The following ATM variants were observed in gnomAD, a reference collection of about 807,000 sequenced individuals.
ATM encodes the protein serine-protein kinase ATM.
Under a neutral mutation model 387.0 loss-of-function variants are expected in ATM, and 308 were observed. The observed-to-expected ratio is 0.80, with a 90% CI of 0.73 to 0.87. The LOEUF (loss-of-function observed/expected upper bound fraction) is 0.87. ATM is among the 40% of genes least tolerant of loss of function. The pLI, the probability that ATM is intolerant of heterozygous loss-of-function variation, is 0.00. For synonymous variants in ATM, 1,156 were observed against 1,187.3 expected (o/e 0.97, Z 0.54); for missense variants, 3,312 against 3,560.9 (o/e 0.93, Z 1.78).
At chr11:108,287,575 A>G in intron 26 of ATM, 25 bp from the exon 27 acceptor site, 1 of 1,426,946 alleles carries the variant, frequency 7.0e-7, no homozygotes. Context: ...AATATTAAAT[A>G]TATTTTAATT....
Position 108,343,221 on chromosome 11 carries a change from G to C in ATM, c.8269-1G>C, listed in dbSNP as rs1565557607. The C allele has an allele frequency of 6.2e-7, 1 of 1,613,888 alleles. No individual in the cohort carries two copies. Among genetic ancestry groups the C allele is most frequent in the African/African-American group, 1.3e-5 (1 of 74,998 alleles). On this transcript the variant is annotated splice_acceptor_variant, in intron 56 of 62. Coordinates refer to ENST00000675843, the MANE Select transcript of ATM (RefSeq NM_000051.4). LOFTEE classifies it high-confidence loss of function. ...AAAAGGTATTTAATCTGTAACTCCA[G>C]GTGGTTCCCCTCTCTCAGCGAAGTG... is the stretch of plus-strand genomic sequence containing the variant.
At position 108,329,122 on chromosome 11, in the gene ATM, A is replaced by G. The variant is rs768906734; in HGVS notation, c.7191A>G (p.Gln2397=). ...CATTAGCCCGGTTTTCAGATACTCA[A>G]TACCAAAGAATTGAAAACTACATGA... The part of the protein sequence containing the change: ...FLSLARFSDT[Q]YQRIENYMKS... The change falls in exon 49 of 63, where the codon CAA becomes CAG. Residue 2397 remains glutamine (Q), a synonymous_variant. Coordinates refer to ENST00000675843, the MANE Select transcript of ATM (RefSeq NM_000051.4). 11 of 1,614,032 alleles carry G rather than the reference A, an allele frequency of 6.8e-6. No homozygotes were observed. In the Admixed American group the frequency reaches 1.0e-4, roughly 15 times the overall value.
chr11:108,350,852 G>A (rs969233155), intron 59 of ATM, among the ~76,000 whole-genome samples: 4 of 151,818 alleles, frequency 2.6e-5, no homozygotes, highest in Admixed American at 2.0e-4. Context: ...GGGTAAATTG[G>A]TACAACCCCT....
chr11:108,325,245 CAT>C, intron 45 of ATM, 63 bp from the exon 46 acceptor site: 1 of 1,013,336 alleles, frequency 9.9e-7, no homozygotes, highest in Non-Finnish European at 1.4e-6. Flanking sequence ...CCAGAACTTA[CAT>C]AGTTTTTTTT....
Position 108,281,082 on chromosome 11 carries a change from T to A in ATM, c.3490T>A (p.Cys1164Ser). The A allele has an allele frequency of 6.2e-7, 1 of 1,614,036 alleles. No homozygotes were observed. Among genetic ancestry groups the A allele is most frequent in the Non-Finnish European group, 8.5e-7 (1 of 1,179,936 alleles). The change falls in exon 24 of 63, where the codon TGT becomes AGT. Residue 1164 changes from cysteine to serine, a missense_variant. Cys to Ser is a moderately radical substitution (Grantham distance 112). Around this residue, in one of 4 missense-constraint regions of ATM, gnomAD observed 1,791 missense variants for 1,804.5 expected, o/e 0.99. Transcript: ENST00000675843. ...GACGTTGATAGCTGTGGTTTTATCC[T>A]GTAGCCCTATCTGCGAAAAACAGGC... is the stretch of plus-strand genomic sequence containing the variant. ...LLTLIAVVLS[C>S]SPICEKQALF...
At chr11:108,321,774 G>A (rs1483122076) in intron 45 of ATM, among the ~76,000 whole-genome samples, 2 of 150,770 alleles carry the variant, frequency 1.3e-5, no homozygotes, top group African/African-American at 2.4e-5. Context: ...GCAACAGAGC[G>A]AGACTCTGTC....
intron 16 of ATM, among the ~76,000 whole-genome samples, chr11:108,261,401 A>G (rs572023944): frequency 1.3e-5 from 2 of 152,328 alleles, no homozygotes; most frequent in South Asian, 4.1e-4. Context: ...AGGGTACTCC[A>G]ACAGGCCTGC....
Position 108,299,741 on chromosome 11 carries a change from T to A in ATM, c.5033T>A (p.Val1678Glu), listed in dbSNP as rs878853516. 1.2e-6 allele frequency: 2 copies of A among 1,613,908 alleles called. No homozygotes were observed. The highest frequency in any genetic ancestry group is 8.5e-7 in the Non-Finnish European group (1 of 1,179,900). ...GCTGTTGGAAGCTGCTTGGGAGAAGTGGGTCCTATAGATTTCTCTACCATA... is the reference window on the plus strand; with the variant it reads ...GCTGTTGGAAGCTGCTTGGGAGAAGAGGGTCCTATAGATTTCTCTACCATA... ...LEAVGSCLGEVGPIDFSTIAI... is the reference protein window; with the variant it reads ...LEAVGSCLGEEGPIDFSTIAI... Residue 1678 changes from valine to glutamate, a missense_variant, in exon 34 of 63, where the codon GTG becomes GAG. Val to Glu is a moderately radical substitution (Grantham distance 121). Transcript: ENST00000675843.
chr11:108,231,935 C>G (rs915964645), intron 4 of ATM, among the ~76,000 whole-genome samples: 3 of 152,152 alleles, frequency 2.0e-5, no homozygotes, highest in Non-Finnish European at 2.9e-5. Context: ...ATTCTGCACT[C>G]ACTTTTGCTC....
At chr11:108,237,929 CTTTG>C (rs370337831) in intron 5 of ATM, among the ~76,000 whole-genome samples, 2,378 of 53,124 alleles carry the variant, frequency 0.045, 58 homozygotes, top group African/African-American at 0.14. Flanking sequence ...TTTTTTGCTT[CTTTG>C]TTTGTTTTTT....
intron 27 of ATM, among the ~76,000 whole-genome samples, chr11:108,288,540 G>T (rs550510066): frequency 2.7e-4 from 40 of 149,378 alleles, no homozygotes; most frequent in African/African-American, 9.1e-4. Context: ...ACTGTGCTGG[G>T]CATATAAAAT....
rs1565527146 is a variant in ATM at position 108,329,184 on chromosome 11, A to C, written c.7253A>C (p.Lys2418Thr). The stretch of plus-strand genomic sequence containing the variant: ...TTTGAAAACAAGCAAGCTCTCCTGA[A>C]AAGAGCCAAAGAGGAAGTAGGTCTC... ...SEFENKQALLKRAKEEVGLLR... is the reference protein window; with the variant it reads ...SEFENKQALLTRAKEEVGLLR... The change falls in exon 49 of 63, where the codon AAA becomes ACA. Residue 2418 changes from lysine (K) to threonine (T), a missense_variant. By Grantham distance (78) the Lys-to-Thr change is moderately conservative. Transcript: ENST00000675843. The C allele has an allele frequency of 6.2e-7, 1 of 1,614,066 alleles. No individual in the cohort carries two copies. The highest frequency in any genetic ancestry group is 8.5e-7 in the Non-Finnish European group (1 of 1,179,958).
At chr11:108,262,658 T>TA (rs1404483013) in intron 16 of ATM, among the ~76,000 whole-genome samples, 4 of 151,916 alleles carry the variant, frequency 2.6e-5, no homozygotes, top group Non-Finnish European at 5.9e-5. Flanking sequence ...GTAAATGGAC[T>TA]AAATGCTCCA....
intron 35 of ATM, 68 bp downstream of exon 35, chr11:108,301,857 A>T: frequency 1.9e-6 from 3 of 1,540,818 alleles, no homozygotes; most frequent in Non-Finnish European, 2.7e-6. Flanking sequence ...GCTGTGGGTC[A>T]TGACTGTTAA....
At chr11:108,229,468 TATA>T (rs1335285401) in intron 4 of ATM, 145 bp downstream of exon 4, 57 of 797,716 alleles carry the variant, frequency 7.1e-5, no homozygotes, top group Non-Finnish European at 1.5e-5. Context: ...TGTAAGTACA[TATA>T]ATGATTTTTA....
intron 17 of ATM, 86 bp from the exon 18 acceptor site, chr11:108,268,324 G>A: frequency 8.1e-7 from 1 of 1,237,674 alleles, no homozygotes; most frequent in East Asian, 2.4e-5. Context: ...ACTTTTTTTT[G>A]TGAAGAGGAG....
intron 16 of ATM, among the ~76,000 whole-genome samples, chr11:108,263,145 T>G (rs1240563668): frequency 6.7e-6 from 1 of 148,486 alleles, no homozygotes. Context: ...CTAATAGACA[T>G]CTACAGAACT....
intron 6 of ATM, 66 bp downstream of exon 6, chr11:108,244,184 A>G (rs1039519891): frequency 1.5e-5 from 23 of 1,563,522 alleles, no homozygotes; most frequent in Non-Finnish European, 2.0e-5. Flanking sequence ...ACCATGTTTT[A>G]GACTCAGTAA....
chr11:108,295,354 T>G (rs2083065215), intron 32 of ATM: 1 of 352,622 alleles, frequency 2.8e-6, no homozygotes, highest in Admixed American at 4.4e-5. Flanking sequence ...TTTTTAAGAG[T>G]CTCACTCTGT....
Sources: gnomAD v4.1 joint callset for allele counts (sites outside exome capture counted in the v4.1 genomes callset) on GRCh38, gnomAD v4.1.1 for gene constraint, gnomAD v4.1.1 regional missense constraint, MANE v1.5 for transcripts, NCBI Gene and HGNC (gene_info 2026-07-23, HGNC 2026-07-21) for gene names.